Variants in SLC1A2 observed in about 807,000 individuals in gnomAD.
The protein encoded by SLC1A2 is solute carrier family 1 member 2.
Under a neutral mutation model 48.8 loss-of-function variants are expected in SLC1A2, and 15 were observed. That is an observed-to-expected ratio of 0.31 (90% CI 0.21 to 0.47). The LOEUF (loss-of-function observed/expected upper bound fraction) is 0.47, where lower values mean the gene tolerates loss of function less well. Among genes scored for constraint, SLC1A2 ranks in the 20% least tolerant of loss-of-function variants. SLC1A2 has a pLI of 0.99. For missense variants in SLC1A2, 502 were observed against 730.5 expected, an observed-to-expected ratio of 0.69 and a Z score of 3.61; for synonymous variants, 279 against 272.6, an observed-to-expected ratio of 1.02 and a Z score of -0.23.
chr11:35,301,512 C>T lies in SLC1A2; in HGVS notation c.857+7G>A. On this transcript the variant is annotated splice_region_variant and intron_variant, in intron 6 of 10. Transcript: ENST00000278379. ...CACTGCTAAGAAGTAAGAACAAGGC[C>T]ACTTACCACATGATCATGATCACTA... is the stretch of plus-strand genomic sequence containing the variant. 1.2e-6 allele frequency: 2 copies of T among 1,613,106 alleles called. No individual in the cohort carries two copies.
chr11:35,279,370 C>T (rs1850547253), intron 9 of SLC1A2, among the ~76,000 whole-genome samples: 1 of 152,214 alleles, frequency 6.6e-6, no homozygotes, highest in Admixed American at 6.5e-5. Flanking sequence ...GGAAAATGTC[C>T]TTCACTGGGA....
At chr11:35,270,883 T>G (rs2134637222) in intron 9 of SLC1A2, among the ~76,000 whole-genome samples, 1 of 152,364 alleles carries the variant, frequency 6.6e-6, no homozygotes. Flanking sequence ...ATGTATGGCC[T>G]TATCAGCCAA....
At chr11:35,261,005 G>C (rs370396192) in intron 10 of SLC1A2, 40 bp from the exon 11 acceptor site, 2 of 1,518,030 alleles carry the variant, frequency 1.3e-6, no homozygotes, top group Non-Finnish European at 9.2e-7. Flanking sequence ...TACAGACCAC[G>C]AACCAGAAAA....
At chr11:35,388,957 A>T (rs926955309) in intron 1 of SLC1A2, among the ~76,000 whole-genome samples, 2 of 152,164 alleles carry the variant, frequency 1.3e-5, no homozygotes, top group Non-Finnish European at 2.9e-5. Flanking sequence ...AGGGGCTGGG[A>T]GTGAGGGTTG....
At chr11:35,392,655 C>T (rs1175767462) in intron 1 of SLC1A2, among the ~76,000 whole-genome samples, 1 of 152,216 alleles carries the variant, frequency 6.6e-6, no homozygotes. Context: ...GGTTCCCACA[C>T]TCTTTTTCCC....
chr11:35,274,792 T>C (rs1364591543), intron 9 of SLC1A2, among the ~76,000 whole-genome samples: 2 of 152,246 alleles, frequency 1.3e-5, no homozygotes, highest in African/African-American at 4.8e-5. Flanking sequence ...GCTGTGACTT[T>C]CAAACGAGCC....
intron 1 of SLC1A2, among the ~76,000 whole-genome samples, chr11:35,347,648 A>T (rs891973964): frequency 1.3e-5 from 2 of 152,220 alleles, no homozygotes; most frequent in Non-Finnish European, 2.9e-5. Flanking sequence ...TTCATTTCTT[A>T]GAGATGAGCT....
intron 6 of SLC1A2, 53 bp from the exon 7 acceptor site, chr11:35,292,573 A>G: frequency 8.9e-7 from 1 of 1,117,366 alleles, no homozygotes; most frequent in Non-Finnish European, 1.3e-6. Flanking sequence ...AGGGATTCAG[A>G]ACCTGGGCCT....
intron 1 of SLC1A2, among the ~76,000 whole-genome samples, chr11:35,344,970 T>C (rs1359222240): frequency 6.6e-6 from 1 of 152,184 alleles, no homozygotes; most frequent in Non-Finnish European, 1.5e-5. Context: ...GACCAACCAA[T>C]TAGGCTTAGC....
rs190736381 is a variant in SLC1A2, at chr11:35,351,599, A to G, written c.18-34083T>C. Among the ~76,000 whole-genome samples, 244 of 152,296 alleles carry G rather than the reference A, an allele frequency of 1.6e-3. 5 individuals carry two copies. The highest frequency in any genetic ancestry group is 0.013 in the Admixed American group (196 of 15,298). On this transcript the variant is annotated intron_variant, in intron 1 of 10. Coordinates refer to ENST00000278379, the MANE Select transcript of SLC1A2 (RefSeq NM_004171.4). ...TTTAAAAGGTAAGACAGAAAACTGC[A>G]GATATACTCTGATTATTATTTTATT...
chr11:35,340,931 G>A (rs1189715429), intron 1 of SLC1A2, among the ~76,000 whole-genome samples: 1 of 152,150 alleles, frequency 6.6e-6, no homozygotes, highest in Non-Finnish European at 1.5e-5. Context: ...AATTATGTAA[G>A]CATAATCCTG....
chr11:35,322,630 G>A, intron 1 of SLC1A2: 1 of 1,535,174 alleles, frequency 6.5e-7, no homozygotes, highest in South Asian at 1.2e-5. Flanking sequence ...AGAGGTACTG[G>A]GGAGATAAAG....
chr11:35,260,709 G>T lies in SLC1A2; in HGVS notation c.*185C>A, dbSNP rs1950380257. 3 of 577,806 alleles carry T rather than the reference G, an allele frequency of 5.2e-6. No homozygotes were observed. The highest frequency in any genetic ancestry group is 3.1e-6 in the Non-Finnish European group (1 of 324,788). The allele number at this position is 577,806 out of a possible 1,614,324, so 35.8% of individuals were successfully genotyped here. A position where few individuals can be genotyped will look rare whatever the true frequency, so the allele number is the denominator to read the frequency against. On this transcript the variant is annotated 3_prime_UTR_variant, in exon 11 of 11. Coordinates refer to ENST00000278379, the MANE Select transcript of SLC1A2 (RefSeq NM_004171.4). ...TTAGACGGTTATAAAGCATTATTTG[G>T]CAAAGACACAGCACCGTGCCTGTCA...
intron 1 of SLC1A2, chr11:35,371,097 C>T: frequency 5.2e-6 from 5 of 954,424 alleles, no homozygotes; most frequent in Non-Finnish European, 6.1e-6. Flanking sequence ...GGTCCAGCAC[C>T]TGTAGGCCAG....
chr11:35,399,600 G>A, intron 1 of SLC1A2: 1 of 984,516 alleles, frequency 1.0e-6, no homozygotes, highest in Non-Finnish European at 1.2e-6. Flanking sequence ...CCTGCAGATA[G>A]ATGATGCGTT....
At chr11:35,329,344 C>T (rs140846575) in intron 1 of SLC1A2, among the ~76,000 whole-genome samples, 77 of 152,222 alleles carry the variant, frequency 5.1e-4, no homozygotes, top group African/African-American at 1.8e-3. Flanking sequence ...AAGAGCCAAC[C>T]CTAATGTAAA....
chr11:35,296,576 A>G (rs1443552777), intron 6 of SLC1A2, among the ~76,000 whole-genome samples: 1 of 152,042 alleles, frequency 6.6e-6, no homozygotes, highest in Admixed American at 6.6e-5. Flanking sequence ...GGCCTGCAGG[A>G]CCCTGGAGGA....
intron 1 of SLC1A2, chr11:35,418,644 T>G (rs573148303): frequency 1.1e-4 from 45 of 426,724 alleles, no homozygotes; most frequent in Non-Finnish European, 1.7e-4. Flanking sequence ...AATCCCCTAT[T>G]GTTTTGAAAT....
At chr11:35,290,322 C>T (rs1476527254) in intron 7 of SLC1A2, among the ~76,000 whole-genome samples, 1 of 152,000 alleles carries the variant, frequency 6.6e-6, no homozygotes, top group Non-Finnish European at 1.5e-5. Flanking sequence ...GTGGCTAGGA[C>T]AGGGTGGGGT....
Sources: allele counts gnomAD v4.1 joint callset (sites outside exome capture counted in the v4.1 genomes callset), GRCh38; gene constraint gnomAD v4.1.1; transcripts MANE v1.5; gene names NCBI Gene and HGNC (gene_info 2026-07-23, HGNC 2026-07-21).